CHIC1: variants seen among roughly 807,000 people sequenced by gnomAD.
CHIC1 encodes the protein cysteine rich hydrophobic domain 1.
A neutral mutation model predicts 18.5 loss-of-function variants in CHIC1; 7 were observed. The observed-to-expected ratio is 0.38, with a 90% CI of 0.22 to 0.71. CHIC1 has a LOEUF of 0.71. CHIC1 is among the 30% of genes least tolerant of loss of function. The pLI is 0.49. For missense variants in CHIC1, 159 were observed against 176.9 expected (o/e 0.90, Z 0.57); for synonymous variants, 77 against 73.5 (o/e 1.05, Z -0.25).
chrX:73,608,804 A>G lies in CHIC1; in HGVS notation c.507+24232A>G, dbSNP rs746004029. Among the ~76,000 whole-genome samples the G allele has an allele frequency of 2.9e-4, 31 of 107,974 alleles. 2 individuals are homozygous for G. The highest frequency in any genetic ancestry group is 9.7e-4 in the African/African-American group (27 of 27,728). 93.8% of individuals were successfully genotyped at this position (107,974 alleles called of 115,157 possible). ...GTGGATTCTTTAGGGATTTCTACCT[A>G]TAAGTTTATGTCATCTGTGAACAGA... On this transcript the variant is annotated intron_variant, in intron 3 of 5. Transcript: ENST00000373502.
At chrX:73,594,642 G>A (rs1300967632) in intron 3 of CHIC1, among the ~76,000 whole-genome samples, 4 of 111,937 alleles carry the variant, frequency 3.6e-5, no homozygotes, top group Admixed American at 2.8e-4. Flanking sequence ...TCAAGTACAC[G>A]ACTTGGAGCC....
At chrX:73,595,993 A>G (rs1603341603) in intron 3 of CHIC1, among the ~76,000 whole-genome samples, 1 of 111,477 alleles carries the variant, frequency 9.0e-6, no homozygotes, top group East Asian at 2.8e-4. Context: ...ATGTCTGTTC[A>G]TATTCTTTGC....
At chrX:73,591,327 C>T (rs1157212467) in intron 3 of CHIC1, among the ~76,000 whole-genome samples, 1 of 110,021 alleles carries the variant, frequency 9.1e-6, no homozygotes, top group Non-Finnish European at 1.9e-5. Context: ...GCTTAGTGGC[C>T]TCCAAATTCC....
At chrX:73,655,512 ATACACAATAT>A (rs1167367272) in intron 3 of CHIC1, among the ~76,000 whole-genome samples, 3 of 83,409 alleles carry the variant, frequency 3.6e-5, no homozygotes, top group Non-Finnish European at 6.7e-5. Flanking sequence ...ATATACATAT[ATACACAATAT>A]TGTGTATATA....
rs201607179 is a variant in CHIC1 at position 73,593,049 on chromosome X, A to G, written c.507+8477A>G. 3.6e-5 allele frequency among the ~76,000 whole-genome samples: 4 copies of G among 110,141 alleles called. No individual in the cohort carries two copies. In the East Asian group the frequency reaches 1.2e-3, roughly 32 times the overall value. The stretch of plus-strand genomic sequence containing the variant: ...TTATATTCCTGTGAGATTGGTTGTA[A>G]TGTCTCCTTTGTCATTTCTCATTGT... On this transcript the variant is annotated intron_variant, in intron 3 of 5. Coordinates refer to ENST00000373502, the MANE Select transcript of CHIC1 (RefSeq NM_001039840.4).
chrX:73,674,072 A>G (rs1282260167), intron 3 of CHIC1, among the ~76,000 whole-genome samples: 1 of 111,856 alleles, frequency 8.9e-6, no homozygotes, highest in Non-Finnish European at 1.9e-5. Flanking sequence ...CATATGTTGA[A>G]CCAGCCTTGC....
intron 3 of CHIC1, among the ~76,000 whole-genome samples, chrX:73,675,162 G>A (rs1476728268): frequency 3.6e-5 from 4 of 111,361 alleles, no homozygotes; most frequent in East Asian, 2.8e-4. Context: ...CGTGTGGTCA[G>A]TTTTGGAGTA....
chrX:73,658,248 GTTTTTTT>G (rs869309622), intron 3 of CHIC1, among the ~76,000 whole-genome samples: 4 of 16,715 alleles, frequency 2.4e-4, no homozygotes, highest in Non-Finnish European at 2.9e-4. Context: ...CTGGTCCTAG[GTTTTTTT>G]TTTTTTTTTT....
chrX:73,669,045 G>A (rs775739615), intron 3 of CHIC1, among the ~76,000 whole-genome samples: 5 of 112,257 alleles, frequency 4.5e-5, no homozygotes, highest in Non-Finnish European at 9.4e-5. Flanking sequence ...CTGGGAGGAC[G>A]CACCTCAGGA....
At chrX:73,670,280 G>A (rs1201533226) in intron 3 of CHIC1, among the ~76,000 whole-genome samples, 1 of 111,629 alleles carries the variant, frequency 9.0e-6, no homozygotes, top group African/African-American at 3.3e-5. Context: ...TATTTCGGTT[G>A]AAGGTGCTAT....
intron 1 of CHIC1, among the ~76,000 whole-genome samples, chrX:73,576,868 C>T (rs910056137): frequency 4.5e-5 from 5 of 110,482 alleles, no homozygotes; most frequent in African/African-American, 1.6e-4. Context: ...CGAGCACAGA[C>T]GTGAAAGCCA....
chrX:73,601,560 A>T (rs2057650458), intron 3 of CHIC1, among the ~76,000 whole-genome samples: 1 of 106,629 alleles, frequency 9.4e-6, no homozygotes, highest in Admixed American at 1.0e-4. Flanking sequence ...CATTCAAAGC[A>T]GTGTGTGGAG....
intron 3 of CHIC1, among the ~76,000 whole-genome samples, chrX:73,633,151 C>A (rs1306082078): frequency 9.0e-6 from 1 of 111,292 alleles, no homozygotes; most frequent in Non-Finnish European, 1.9e-5. Context: ...AATAAGCATT[C>A]TTTTATTTCA....
chrX:73,611,478 A>G (rs2057708486), intron 3 of CHIC1, among the ~76,000 whole-genome samples: 1 of 108,872 alleles, frequency 9.2e-6, no homozygotes, highest in African/African-American at 3.6e-5. Flanking sequence ...CGCAATAAAC[A>G]TACGTGTGCA....
rs777226608 is a variant in CHIC1 at position 73,563,363 on chromosome X, A to ACGTCGTCGTCGTCGCCGT, written c.94_111dup (p.Pro32_Ser37dup). ...GGAGGAGGAGGAAGAAGAAGCGGCA[A>ACGTCGTCGTCGTCGCCGT]CGTCGTCGTCGTCGCCGTCGTCGTC... is the stretch of plus-strand genomic sequence containing the variant. On this transcript the variant is annotated inframe_insertion, in exon 1 of 6. Transcript: ENST00000373502. The ACGTCGTCGTCGTCGCCGT allele has an allele frequency of 8.7e-7, 1 of 1,151,714 alleles. No homozygotes were observed. Among genetic ancestry groups the ACGTCGTCGTCGTCGCCGT allele is most frequent in the Non-Finnish European group, 1.2e-6 (1 of 865,888 alleles). 94.9% of individuals were successfully genotyped at this position (1,151,714 alleles called of 1,213,427 possible).
intron 3 of CHIC1, among the ~76,000 whole-genome samples, chrX:73,589,610 C>A (rs2147555665): frequency 9.0e-6 from 1 of 110,775 alleles, no homozygotes; most frequent in Non-Finnish European, 1.9e-5. Context: ...ATCATTTTGT[C>A]TTTTAATCAT....
intron 3 of CHIC1, among the ~76,000 whole-genome samples, chrX:73,650,186 T>C (rs1219888422): frequency 8.9e-6 from 1 of 112,004 alleles, no homozygotes; most frequent in African/African-American, 3.2e-5. Flanking sequence ...GCGAAGGCAG[T>C]GTTAAGAGGG....
At chrX:73,645,882 A>T (rs1402827021) in intron 3 of CHIC1, among the ~76,000 whole-genome samples, 3 of 111,564 alleles carry the variant, frequency 2.7e-5, no homozygotes, top group African/African-American at 6.5e-5. Flanking sequence ...TCCTTTGCAA[A>T]GCAAAGGAAA....
At chrX:73,665,577 C>G (rs887614392) in intron 3 of CHIC1, among the ~76,000 whole-genome samples, 1 of 111,195 alleles carries the variant, frequency 9.0e-6, no homozygotes, top group Admixed American at 9.6e-5. Context: ...ATGATGAAAC[C>G]CTAGCCTGAA....
Sources: gnomAD v4.1 joint callset for allele counts (sites outside exome capture counted in the v4.1 genomes callset) on GRCh38, gnomAD v4.1.1 for gene constraint, MANE v1.5 for transcripts, NCBI Gene and HGNC (gene_info 2026-07-23, HGNC 2026-07-21) for gene names.